ARHGAP24: variants seen among roughly 807,000 people sequenced by gnomAD.
The protein encoded by ARHGAP24 is Rho GTPase activating protein 24.
Under a neutral mutation model 76.4 loss-of-function variants are expected in ARHGAP24, and 50 were observed. The observed-to-expected ratio is 0.65, with a 90% CI of 0.52 to 0.83. The LOEUF (loss-of-function observed/expected upper bound fraction) is 0.83. Among genes scored for constraint, ARHGAP24 ranks in the 40% least tolerant of loss-of-function variants. ARHGAP24 has a pLI of 0.00. For synonymous variants in ARHGAP24, 345 were observed against 323.3 expected (o/e 1.07, Z -0.72); for missense variants, 930 against 914.2 (o/e 1.02, Z -0.22).
At chr4:85,784,561 A>G (rs1485972323) in intron 3 of ARHGAP24, among the ~76,000 whole-genome samples, 1 of 151,904 alleles carries the variant, frequency 6.6e-6, no homozygotes, top group African/African-American at 2.4e-5. Flanking sequence ...CAGCAAACTG[A>G]GCTGGATTTC....
At chr4:85,899,283 A>G (rs187527179) in intron 3 of ARHGAP24, among the ~76,000 whole-genome samples, 85 of 152,344 alleles carry the variant, frequency 5.6e-4, no homozygotes, top group African/African-American at 2.0e-3. Flanking sequence ...AAATTTAAAA[A>G]GAACAAAACC....
At chr4:85,600,579 G>A (rs1018063370) in intron 2 of ARHGAP24, among the ~76,000 whole-genome samples, 2 of 152,172 alleles carry the variant, frequency 1.3e-5, no homozygotes, top group Non-Finnish European at 2.9e-5. Context: ...ATGTGCCTTA[G>A]AGAAATCATG....
intron 2 of ARHGAP24, among the ~76,000 whole-genome samples, chr4:85,721,268 T>C (rs12506038): frequency 0.15 from 22,904 of 151,920 alleles, 2,382 homozygotes; most frequent in East Asian, 0.55. Context: ...TGCTGGCAGA[T>C]GCCTGTAATC....
chr4:85,775,486 A>C (rs1168329793), intron 3 of ARHGAP24, among the ~76,000 whole-genome samples: 9 of 152,196 alleles, frequency 5.9e-5, no homozygotes, highest in Non-Finnish European at 1.3e-4. Flanking sequence ...GCAAGATAGA[A>C]TGAGAACCAA....
chr4:85,524,176 A>T (rs938604756), intron 1 of ARHGAP24, among the ~76,000 whole-genome samples: 1 of 152,136 alleles, frequency 6.6e-6, no homozygotes, highest in Admixed American at 6.6e-5. Flanking sequence ...TATTACCTGG[A>T]GAATTCCGCT....
intron 2 of ARHGAP24, among the ~76,000 whole-genome samples, chr4:85,707,860 A>G (rs889552944): frequency 6.6e-6 from 1 of 152,170 alleles, no homozygotes; most frequent in African/African-American, 2.4e-5. Flanking sequence ...CTCACAACGC[A>G]GCTGGTTTGG....
At chr4:85,740,745 T>C (rs1465366776) in intron 3 of ARHGAP24, among the ~76,000 whole-genome samples, 2 of 152,156 alleles carry the variant, frequency 1.3e-5, no homozygotes, top group Non-Finnish European at 2.9e-5. Context: ...TCTTTGCATA[T>C]TTTTGTAACC....
At chr4:85,648,562 A>G (rs1242499943) in intron 2 of ARHGAP24, among the ~76,000 whole-genome samples, 2 of 152,096 alleles carry the variant, frequency 1.3e-5, no homozygotes, top group Admixed American at 1.3e-4. Context: ...CCATGACAGA[A>G]CAGACGACTC....
chr4:85,889,559 C>T (rs540076506), intron 3 of ARHGAP24, among the ~76,000 whole-genome samples: 6 of 152,244 alleles, frequency 3.9e-5, no homozygotes, highest in Non-Finnish European at 4.4e-5. Flanking sequence ...GTATACAAGG[C>T]GATTTTATAT....
intron 2 of ARHGAP24, among the ~76,000 whole-genome samples, chr4:85,691,645 T>C (rs996046045): frequency 1.3e-5 from 2 of 152,096 alleles, no homozygotes; most frequent in Non-Finnish European, 2.9e-5. Flanking sequence ...TTTCATCTGA[T>C]ATAAGAATAG....
chr4:85,681,475 C>T (rs1166369903), intron 2 of ARHGAP24, among the ~76,000 whole-genome samples: 1 of 152,220 alleles, frequency 6.6e-6, no homozygotes, highest in Non-Finnish European at 1.5e-5. Context: ...CTCTCCACTT[C>T]CCTCCCAGGG....
At chr4:85,989,600 A>G (rs1038251903) in intron 8 of ARHGAP24, among the ~76,000 whole-genome samples, 1 of 151,828 alleles carries the variant, frequency 6.6e-6, no homozygotes, top group East Asian at 1.9e-4. Flanking sequence ...GAAATACAGA[A>G]TAATATCCCT....
intron 2 of ARHGAP24, among the ~76,000 whole-genome samples, chr4:85,598,193 C>T (rs1202699133): frequency 1.3e-5 from 2 of 151,978 alleles, no homozygotes; most frequent in African/African-American, 4.8e-5. Flanking sequence ...TTTAGAAACT[C>T]ATTTAATTCT....
At chr4:85,482,074 T>TTTC in intron 1 of ARHGAP24, among the ~76,000 whole-genome samples, 1 of 152,190 alleles carries the variant, frequency 6.6e-6, no homozygotes, top group East Asian at 1.9e-4. Context: ...GGTTTAAAAT[T>TTTC]TTCTTATATG....
chr4:85,543,010 C>T (rs1037002617), intron 1 of ARHGAP24, among the ~76,000 whole-genome samples: 5 of 152,182 alleles, frequency 3.3e-5, no homozygotes, highest in Admixed American at 1.3e-4. Flanking sequence ...GCTCTTGAAG[C>T]TGCTGCTAAC....
chr4:85,798,922 T>C (rs1204892972), intron 3 of ARHGAP24, among the ~76,000 whole-genome samples: 1 of 152,122 alleles, frequency 6.6e-6, no homozygotes, highest in East Asian at 1.9e-4. Context: ...GAAAGATATT[T>C]TAATAATATT....
chr4:85,958,717 A>G (rs780460929), intron 5 of ARHGAP24, among the ~76,000 whole-genome samples: 2 of 152,224 alleles, frequency 1.3e-5, no homozygotes, highest in Non-Finnish European at 2.9e-5. Context: ...GTACAATCCT[A>G]GTGATTTTTA....
intron 3 of ARHGAP24, among the ~76,000 whole-genome samples, chr4:85,752,132 G>A (rs1207598915): frequency 2.6e-5 from 4 of 152,182 alleles, no homozygotes; most frequent in African/African-American, 9.7e-5. Context: ...GAAGCACTGA[G>A]CCACTTCAGT....
chr4:85,697,939 CCATTTTCATTT>C (rs1307003569), intron 2 of ARHGAP24, among the ~76,000 whole-genome samples: 1 of 152,160 alleles, frequency 6.6e-6, no homozygotes, highest in Non-Finnish European at 1.5e-5. Context: ...AATACTGAGT[CCATTTTCATTT>C]CATGTTCATT....
Sources: allele counts gnomAD v4.1 joint callset (sites outside exome capture counted in the v4.1 genomes callset), GRCh38; gene constraint gnomAD v4.1.1; transcripts MANE v1.5; gene names NCBI Gene and HGNC (gene_info 2026-07-23, HGNC 2026-07-21).